Variants in EFR3A observed in about 807,000 individuals in gnomAD.
The protein encoded by EFR3A is EFR3 homolog A.
Under a neutral mutation model 104.4 loss-of-function variants are expected in EFR3A, and 76 were observed. The observed-to-expected ratio is 0.73, with a 90% CI of 0.60 to 0.88. The LOEUF (loss-of-function observed/expected upper bound fraction) is 0.88, where lower values mean the gene tolerates loss of function less well. Ranked by LOEUF, EFR3A falls within the 40% of genes least tolerant of loss-of-function variation. The pLI, the probability that EFR3A is intolerant of heterozygous loss-of-function variation, is 0.00. For synonymous variants in EFR3A, 330 were observed against 330.0 expected, an observed-to-expected ratio of 1.00 and a Z score of 0.00; for missense variants, 985 against 1,012.5, an observed-to-expected ratio of 0.97 and a Z score of 0.37.
rs1319853260 is a variant in EFR3A at position 132,012,842 on chromosome 8, A to T, written c.*1947A>T. ...CTACAAAATTTCGTGTTTCTTAGTG[A>T]TTTTAAAATGCATGTATTGCATGTA... On this transcript the variant is annotated 3_prime_UTR_variant, in exon 23 of 23. Transcript: ENST00000254624. The T allele has an allele frequency of 1.3e-5, 2 of 152,308 alleles. No individual in the cohort carries two copies. The highest frequency in any genetic ancestry group is 2.4e-5 in the African/African-American group (1 of 41,452). 9.4% of individuals were successfully genotyped at this position (152,308 alleles called of 1,614,324 possible).
Position 131,986,222 on chromosome 8 carries a change from C to T in EFR3A, c.1898C>T (p.Pro633Leu). 3 of 1,594,390 alleles carry T rather than the reference C, an allele frequency of 1.9e-6. No individual in the cohort carries two copies. Among genetic ancestry groups the T allele is most frequent in the Non-Finnish European group, 2.6e-6 (3 of 1,165,810 alleles). ...ATTGAAATTCGAACTATGGAAGCCC[C>T]TTATTTTCTACCAGAGCATATCTTC... ...KVIEIRTMEA[P>L]YFLPEHIFRD... Residue 633 changes from proline to leucine, a missense_variant, in exon 17 of 23, where the codon CCT (proline) becomes CTT (leucine). Physicochemically the swap from Pro to Leu is moderately conservative, Grantham distance 98. Coordinates refer to ENST00000254624, the MANE Select transcript of EFR3A (RefSeq NM_015137.6).
chr8:131,996,555 T>A, intron 19 of EFR3A, 58 bp downstream of exon 19: 1 of 1,173,974 alleles, frequency 8.5e-7, no homozygotes, highest in Admixed American at 3.2e-5. Context: ...TTTAAAAGAA[T>A]TTTTTGCCTT....
chr8:131,976,079 C>G lies in EFR3A; in HGVS notation c.1212C>G (p.Phe404Leu). The G allele has an allele frequency of 6.2e-7, 1 of 1,607,514 alleles. No homozygotes were observed. The highest frequency in any genetic ancestry group is 8.5e-7 in the Non-Finnish European group (1 of 1,176,594). The change falls in exon 11 of 23, where the codon TTC (phenylalanine) becomes TTG (leucine). Residue 404 changes from phenylalanine (F) to leucine (L), a missense_variant. By Grantham distance (22) the Phe-to-Leu change is conservative. Coordinates refer to ENST00000254624, the MANE Select transcript of EFR3A (RefSeq NM_015137.6). ...PDYQRSEIMM[F>L]IMGKVPVFGT... ...ATCAGAGGTCAGAAATCATGATGTT[C>G]ATTATGGGGAAAGTACCTGTCTTTG... is the stretch of plus-strand genomic sequence containing the variant.
At chr8:132,009,857 G>C (rs893385801) in intron 22 of EFR3A, among the ~76,000 whole-genome samples, 11 of 151,836 alleles carry the variant, frequency 7.2e-5, no homozygotes, top group Admixed American at 6.6e-4. Flanking sequence ...TTTTGGTAAG[G>C]CTTTTAAGCA....
chr8:131,919,331 C>T (rs540266687), intron 1 of EFR3A, among the ~76,000 whole-genome samples: 2 of 152,248 alleles, frequency 1.3e-5, no homozygotes, highest in South Asian at 4.1e-4. Context: ...GGTGCAGTGG[C>T]TCATGCCTGT....
intron 1 of EFR3A, among the ~76,000 whole-genome samples, chr8:131,937,666 T>C (rs1023949223): frequency 2.0e-5 from 3 of 152,136 alleles, no homozygotes; most frequent in Non-Finnish European, 4.4e-5. Context: ...GCAAAGGCAC[T>C]AGACATACAA....
At chr8:131,921,666 A>C (rs1460853860) in intron 1 of EFR3A, among the ~76,000 whole-genome samples, 1 of 152,160 alleles carries the variant, frequency 6.6e-6, no homozygotes, top group African/African-American at 2.4e-5. Flanking sequence ...AGTGAAGTGT[A>C]TGTGGCACTT....
At chr8:131,932,974 C>T (rs913881222) in intron 1 of EFR3A, among the ~76,000 whole-genome samples, 2 of 152,034 alleles carry the variant, frequency 1.3e-5, no homozygotes, top group South Asian at 4.1e-4. Context: ...CTACACTCCT[C>T]TAAAACATAT....
chr8:131,950,933 G>C (rs1818670471), intron 5 of EFR3A, among the ~76,000 whole-genome samples: 1 of 152,068 alleles, frequency 6.6e-6, no homozygotes, highest in Non-Finnish European at 1.5e-5. Context: ...AAACTTTAAA[G>C]TTAAGAAAGT....
chr8:131,927,324 G>T (rs1251076270), intron 1 of EFR3A, among the ~76,000 whole-genome samples: 1 of 152,094 alleles, frequency 6.6e-6, no homozygotes, highest in African/African-American at 2.4e-5. Flanking sequence ...TTTTTGTAGT[G>T]TGGCAGACAA....
intron 17 of EFR3A, among the ~76,000 whole-genome samples, chr8:131,986,516 G>T (rs1172639097): frequency 1.3e-5 from 2 of 152,152 alleles, no homozygotes; most frequent in Non-Finnish European, 2.9e-5. Flanking sequence ...AGGCGCAGTG[G>T]TTCACGCCTG....
At chr8:132,001,412 C>T (rs548800003) in intron 19 of EFR3A, among the ~76,000 whole-genome samples, 1 of 152,180 alleles carries the variant, frequency 6.6e-6, no homozygotes, top group Non-Finnish European at 1.5e-5. Context: ...TGTTTACTTA[C>T]AACACAGTGT....
At position 131,949,704 on chromosome 8, in the gene EFR3A, C is replaced by T. The variant is rs538498343; in HGVS notation, c.367-265C>T. Among the ~76,000 whole-genome samples, 12 of 151,828 alleles carry T rather than the reference C, an allele frequency of 7.9e-5. No individual in the cohort carries two copies. The East Asian group carries it at 2.3e-3, about 30-fold the overall frequency. On this transcript the variant is annotated intron_variant, in intron 4 of 22. Transcript: ENST00000254624. Reference sequence around the variant, plus strand: ...TGGTGCGTGCCTGTAGTCCTGACGCCTTGGGAAGCTGAGGCGGGAGGATCA... The same window carrying T: ...TGGTGCGTGCCTGTAGTCCTGACGCTTTGGGAAGCTGAGGCGGGAGGATCA...
At chr8:131,998,857 C>G (rs887242020) in intron 19 of EFR3A, among the ~76,000 whole-genome samples, 1 of 151,848 alleles carries the variant, frequency 6.6e-6, no homozygotes, top group African/African-American at 2.4e-5. Flanking sequence ...TATATATGCA[C>G]ACTACACATA....
At chr8:131,920,851 C>T (rs1816978981) in intron 1 of EFR3A, among the ~76,000 whole-genome samples, 1 of 152,080 alleles carries the variant, frequency 6.6e-6, no homozygotes, top group Admixed American at 6.5e-5. Flanking sequence ...GTGTAAATAA[C>T]AATACCTACC....
chr8:131,938,351 T>C (rs1376265437), intron 1 of EFR3A: 1 of 397,066 alleles, frequency 2.5e-6, no homozygotes, highest in East Asian at 3.6e-5. Context: ...TGTTCTGATA[T>C]TTATAAGTAG....
intron 1 of EFR3A, among the ~76,000 whole-genome samples, chr8:131,915,654 T>A (rs1586524958): frequency 6.6e-6 from 1 of 152,036 alleles, no homozygotes; most frequent in African/African-American, 2.4e-5. Context: ...AAGGGGAAGA[T>A]GAGTGGAGGA....
At chr8:131,998,441 G>A (rs1036696775) in intron 19 of EFR3A, among the ~76,000 whole-genome samples, 4 of 151,682 alleles carry the variant, frequency 2.6e-5, no homozygotes, top group Non-Finnish European at 5.9e-5. Flanking sequence ...TAAAAAAAAA[G>A]AGAGAGAGTC....
At chr8:131,946,354 G>A in intron 3 of EFR3A, 129 bp from the exon 4 acceptor site, 1 of 788,042 alleles carries the variant, frequency 1.3e-6, no homozygotes, top group East Asian at 3.1e-5. Context: ...TTTTACTTAG[G>A]AGTTACTAAA....
Sources: allele counts gnomAD v4.1 joint callset (sites outside exome capture counted in the v4.1 genomes callset), GRCh38; gene constraint gnomAD v4.1.1; transcripts MANE v1.5; gene names NCBI Gene and HGNC (gene_info 2026-07-23, HGNC 2026-07-21).